NXPH2: variants seen among roughly 807,000 people sequenced by gnomAD.
The protein encoded by NXPH2 is neurexophilin-2.
NXPH2 carries 5 observed loss-of-function variants against 19.8 expected under a neutral mutation model. The observed-to-expected ratio is 0.25, with a 90% CI of 0.13 to 0.53. The LOEUF is 0.53. NXPH2 is among the 20% of genes least tolerant of loss of function. NXPH2 has a pLI of 0.96. For missense variants in NXPH2, 289 were observed against 322.8 expected, an observed-to-expected ratio of 0.90 and a Z score of 0.80; for synonymous variants, 154 against 127.4, an observed-to-expected ratio of 1.21 and a Z score of -1.41.
intron 1 of NXPH2, among the ~76,000 whole-genome samples, chr2:138,694,725 T>A (rs1038444479): frequency 6.6e-6 from 1 of 152,202 alleles, no homozygotes; most frequent in African/African-American, 2.4e-5. Flanking sequence ...TTTATGATTT[T>A]CTGACTTTAT....
At chr2:138,680,555 A>T (rs1680564651) in intron 1 of NXPH2, among the ~76,000 whole-genome samples, 1 of 152,202 alleles carries the variant, frequency 6.6e-6, no homozygotes, top group African/African-American at 2.4e-5. Context: ...GGGGTGAAGC[A>T]ATTCACCTAG....
intron 1 of NXPH2, among the ~76,000 whole-genome samples, chr2:138,770,665 T>C (rs1682162670): frequency 6.6e-6 from 1 of 152,002 alleles, no homozygotes; most frequent in South Asian, 2.1e-4. Flanking sequence ...AAATAAATAG[T>C]TTTCCTTACA....
At chr2:138,708,301 A>G (rs1681047409) in intron 1 of NXPH2, among the ~76,000 whole-genome samples, 1 of 152,196 alleles carries the variant, frequency 6.6e-6, no homozygotes, top group Admixed American at 6.5e-5. Context: ...CTTGAACTTG[A>G]GAGAAGAATG....
intron 1 of NXPH2, among the ~76,000 whole-genome samples, chr2:138,746,396 C>A (rs533774547): frequency 1.2e-4 from 19 of 152,208 alleles, no homozygotes; most frequent in Admixed American, 1.2e-3. Context: ...AAACTAAGAA[C>A]CTCCCTTGGG....
intron 1 of NXPH2, among the ~76,000 whole-genome samples, chr2:138,733,779 T>TA (rs980314823): frequency 2.6e-5 from 4 of 152,288 alleles, no homozygotes; most frequent in Admixed American, 6.5e-5. Context: ...GACTTGATTC[T>TA]AAAAATGACA....
chr2:138,749,017 G>T (rs888098356), intron 1 of NXPH2, among the ~76,000 whole-genome samples: 1 of 152,046 alleles, frequency 6.6e-6, no homozygotes, highest in African/African-American at 2.4e-5. Flanking sequence ...TTTCATTATG[G>T]CTTTTATTTC....
intron 1 of NXPH2, among the ~76,000 whole-genome samples, chr2:138,680,399 G>A (rs1454188503): frequency 1.3e-5 from 2 of 152,176 alleles, no homozygotes; most frequent in Non-Finnish European, 2.9e-5. Context: ...GTTCACAAAT[G>A]TATGAGTTCA....
intron 1 of NXPH2, among the ~76,000 whole-genome samples, chr2:138,686,043 G>A (rs1023303434): frequency 6.6e-6 from 1 of 152,138 alleles, no homozygotes; most frequent in African/African-American, 2.4e-5. Context: ...AATCTGACTG[G>A]AAGTGTGTAA....
chr2:138,730,266 C>T (rs1387036723), intron 1 of NXPH2, among the ~76,000 whole-genome samples: 1 of 151,916 alleles, frequency 6.6e-6, no homozygotes, highest in East Asian at 1.9e-4. Flanking sequence ...GCAATCATAG[C>T]TCACTGCAGC....
At chr2:138,684,874 A>G (rs1441672851) in intron 1 of NXPH2, among the ~76,000 whole-genome samples, 2 of 152,176 alleles carry the variant, frequency 1.3e-5, no homozygotes, top group African/African-American at 4.8e-5. Flanking sequence ...TGGCAATATT[A>G]CTGGCAGTAT....
intron 1 of NXPH2, among the ~76,000 whole-genome samples, chr2:138,690,901 C>G (rs1680735958): frequency 6.6e-6 from 1 of 152,118 alleles, no homozygotes; most frequent in Non-Finnish European, 1.5e-5. Flanking sequence ...CGAGATGCAC[C>G]AGAGAATAGG....
intron 1 of NXPH2, among the ~76,000 whole-genome samples, chr2:138,758,646 T>C (rs1361120838): frequency 2.0e-5 from 3 of 152,252 alleles, no homozygotes; most frequent in African/African-American, 7.2e-5. Context: ...TCAAGTTATA[T>C]GCTTGCATTT....
intron 1 of NXPH2, among the ~76,000 whole-genome samples, chr2:138,703,208 T>C (rs540987197): frequency 9.2e-5 from 14 of 152,130 alleles, no homozygotes; most frequent in Non-Finnish European, 2.1e-4. Context: ...GAAATAAAAA[T>C]TCAAGATTTC....
Position 138,697,912 on chromosome 2 carries a change from C to A in NXPH2, c.52-26247G>T, listed in dbSNP as rs72986899. 3.5e-3 allele frequency among the ~76,000 whole-genome samples: 537 copies of A among 152,082 alleles called. 3 individuals carry two copies. The highest frequency in any genetic ancestry group is 8.8e-3 in the African/African-American group (365 of 41,536). On this transcript the variant is annotated intron_variant, in intron 1 of 1. Transcript: ENST00000272641. ...AAATATATGAAAACAACAAATATTT[C>A]TTCAGAATGAAATACCTACTGCTTG...
At chr2:138,697,590 G>A (rs946948590) in intron 1 of NXPH2, among the ~76,000 whole-genome samples, 1 of 151,782 alleles carries the variant, frequency 6.6e-6, no homozygotes, top group Non-Finnish European at 1.5e-5. Flanking sequence ...AAAATTATTG[G>A]CAGGAAATAT....
In NXPH2 at chr2:138,754,240, T is replaced by C. The variant is rs959309292; in HGVS notation, c.51+25951A>G. Among the ~76,000 whole-genome samples, 42 of 152,316 alleles carry C rather than the reference T, an allele frequency of 2.8e-4. 1 individual carries two copies. The highest frequency in any genetic ancestry group is 9.9e-4 in the African/African-American group (41 of 41,570). ...ATTCAGTCACCACACTGGAAAATTGTATGGACTTTAACAAATGCATAGCAT... is the reference window on the plus strand; with the variant it reads ...ATTCAGTCACCACACTGGAAAATTGCATGGACTTTAACAAATGCATAGCAT... On this transcript the variant is annotated intron_variant, in intron 1 of 1. Transcript: ENST00000272641.
rs70982073 is a variant in NXPH2 at position 138,707,094 on chromosome 2, CAA to C, written c.52-35431_52-35430del. On this transcript the variant is annotated intron_variant, in intron 1 of 1. Coordinates refer to ENST00000272641, the MANE Select transcript of NXPH2 (RefSeq NM_007226.3). ...ATGACTTTAAGTACTTGCCCCATGA[CAA>C]AAAAAAAAAAAAAAAAGAGCAAGAA... is the stretch of plus-strand genomic sequence containing the variant. 3.7e-4 allele frequency among the ~76,000 whole-genome samples: 13 copies of C among 34,838 alleles called. 1 individual carries two copies. In the South Asian group the frequency reaches 9.3e-3, roughly 25 times the overall value. The allele number at this position is 34,838 out of a possible 152,430, so 22.9% of individuals were successfully genotyped here. A position where few individuals can be genotyped will look rare whatever the true frequency, so the allele number is the denominator to read the frequency against.
intron 1 of NXPH2, among the ~76,000 whole-genome samples, chr2:138,719,158 A>G (rs1681239469): frequency 6.6e-6 from 1 of 152,188 alleles, no homozygotes; most frequent in African/African-American, 2.4e-5. Flanking sequence ...GTAGAGCTAT[A>G]TAATGGAATA....
At chr2:138,730,487 A>C (rs560920265) in intron 1 of NXPH2, among the ~76,000 whole-genome samples, 3 of 152,272 alleles carry the variant, frequency 2.0e-5, no homozygotes, top group Admixed American at 6.5e-5. Flanking sequence ...TGTGGTTATA[A>C]ATAGCCAGGC....
Sources: gnomAD v4.1 joint callset for allele counts (sites outside exome capture counted in the v4.1 genomes callset) on GRCh38, gnomAD v4.1.1 for gene constraint, MANE v1.5 for transcripts, NCBI Gene and HGNC (gene_info 2026-07-23, HGNC 2026-07-21) for gene names.